Variants in GSC2 observed in about 807,000 individuals in gnomAD.
The protein encoded by GSC2 is homeobox protein goosecoid-2.
In GSC2, 12 loss-of-function variants were observed where a neutral mutation model predicts 11.3. The observed-to-expected ratio is 1.06, with a 90% CI of 0.68 to 1.72. GSC2 has a LOEUF of 1.72. Ranked by LOEUF, GSC2 falls within the 40% of genes most tolerant of loss-of-function variation. GSC2 has a pLI of 0.00. For synonymous variants in GSC2, 148 were observed against 110.0 expected (o/e 1.35, Z -2.16); for missense variants, 310 against 235.7 (o/e 1.32, Z -2.06).
intron 2 of GSC2, 30 bp from the exon 3 acceptor site, chr22:19,149,125 C>T (rs1281272294): frequency 7.5e-7 from 1 of 1,340,130 alleles, no homozygotes; most frequent in African/African-American, 1.5e-5. Flanking sequence ...TCAGCCCTAG[C>T]CCCAGGTCCT....
intron 2 of GSC2, among the ~76,000 whole-genome samples, 198 bp from the exon 3 acceptor site, chr22:19,149,293 T>C (rs573042627): frequency 1.0e-3 from 154 of 152,194 alleles, no homozygotes; most frequent in African/African-American, 3.1e-3. Flanking sequence ...GGACGCGAGA[T>C]GGGAACCCCC....
In GSC2 at chr22:19,149,741, G is replaced by A; in HGVS notation, c.435C>T (p.Phe145=). The A allele has an allele frequency of 6.3e-7, 1 of 1,594,512 alleles. No individual in the cohort carries two copies. The highest frequency in any genetic ancestry group is 1.1e-5 in the South Asian group (1 of 88,666). Residue 145 remains phenylalanine, a synonymous_variant, in exon 2 of 3, where the codon TTC becomes TTT. Transcript: ENST00000086933. ...EEQLQALEAL[F]VQNQYPDVST... ...TCACGTCAGGATACTGGTTCTGCACGAAAAGCGCCTCGAGCGCCTGCAGCT... is the reference window on the plus strand; with the variant it reads ...TCACGTCAGGATACTGGTTCTGCACAAAAAGCGCCTCGAGCGCCTGCAGCT...
In GSC2 at chr22:19,147,784, C is replaced by A. The variant is rs558212255; in HGVS notation, c.*1207G>T. Among the ~76,000 whole-genome samples the A allele has an allele frequency of 6.6e-6, 1 of 152,254 alleles. No homozygotes were observed. The highest frequency in any genetic ancestry group is 2.1e-4 in the South Asian group (1 of 4,828). ...GTCTGGGGAGCTGCAGCCCTGGCTT[C>A]TGCAGTCCTGCTTTTAGAGATGGAC... On this transcript the variant is annotated 3_prime_UTR_variant, in exon 3 of 3. Coordinates refer to ENST00000086933, the MANE Select transcript of GSC2 (RefSeq NM_005315.2).
Position 19,149,714 on chromosome 22 carries a change from A to G in GSC2, c.462T>C (p.Ser154=). 6.3e-7 allele frequency: 1 copy of G among 1,583,364 alleles called. No homozygotes were observed. Among genetic ancestry groups the G allele is most frequent in the Non-Finnish European group, 8.6e-7 (1 of 1,167,610 alleles). Reference sequence around the variant, plus strand: ...TGCGGCCGGCCAGGCGCTCGCGCGTACTCACGTCAGGATACTGGTTCTGCA... The same window carrying G: ...TGCGGCCGGCCAGGCGCTCGCGCGTGCTCACGTCAGGATACTGGTTCTGCA... The part of the protein sequence containing the change: ...LFVQNQYPDV[S]TRERLAGRIR... Residue 154 remains serine, a synonymous_variant, in exon 2 of 3, where the codon AGT becomes AGC. Transcript: ENST00000086933.
Position 19,149,712 on chromosome 22 carries a change from G to T in GSC2, c.464C>A (p.Thr155Lys), listed in dbSNP as rs1408207572. 3 of 1,581,206 alleles carry T rather than the reference G, an allele frequency of 1.9e-6. No individual in the cohort carries two copies. The highest frequency in any genetic ancestry group is 2.6e-6 in the Non-Finnish European group (3 of 1,166,760). ...GATGCGGCCGGCCAGGCGCTCGCGC[G>T]TACTCACGTCAGGATACTGGTTCTG... The part of the protein sequence containing the change: ...FVQNQYPDVS[T>K]RERLAGRIRL... Residue 155 changes from threonine to lysine, a missense_variant, in exon 2 of 3, where the codon ACG becomes AAG. Physicochemically the swap from Thr to Lys is moderately conservative, Grantham distance 78 (BLOSUM62 -1). Transcript: ENST00000086933.
rs1196859570 is a variant in GSC2 at position 19,147,398 on chromosome 22, G to A, written c.*1593C>T. ...GGGTCAGCCTGCCAAGGAGCAGCTA[G>A]AGCTCAAGAAGCAAATTCAGGAGAG... On this transcript the variant is annotated 3_prime_UTR_variant, in exon 3 of 3. Coordinates refer to ENST00000086933, the MANE Select transcript of GSC2 (RefSeq NM_005315.2). 6.6e-6 allele frequency among the ~76,000 whole-genome samples: 1 copy of A among 152,184 alleles called. No homozygotes were observed. Among genetic ancestry groups the A allele is most frequent in the African/African-American group, 2.4e-5 (1 of 41,436 alleles).
In GSC2 at chr22:19,149,039, G is replaced by A. The variant is rs2083809406; in HGVS notation, c.570C>T (p.Ser190=). 4 of 1,602,572 alleles carry A rather than the reference G, an allele frequency of 2.5e-6. No homozygotes were observed. The highest frequency in any genetic ancestry group is 2.3e-5 in the East Asian group (1 of 44,310). The change falls in exon 3 of 3, where the codon TCC becomes TCT. Residue 190 remains serine (S), a synonymous_variant. Transcript: ENST00000086933. ...KWRHQKRASA[S]ARLLPGVKKS... ...TCTTGACGCCGGGCAGGAGCCTCGC[G>A]GAAGCCGACGCGCGCTTCTGGTGTC...
In GSC2 at chr22:19,149,696, G is replaced by A. The variant is rs1246129394; in HGVS notation, c.480C>T (p.Ala160=). ...GCTCCTCGCGAAGGCGGATGCGGCC[G>A]GCCAGGCGCTCGCGCGTACTCACGT... The part of the protein sequence containing the change: ...YPDVSTRERL[A]GRIRLREERV... The change falls in exon 2 of 3, where the codon GCC becomes GCT. Residue 160 remains alanine, a synonymous_variant. Coordinates refer to ENST00000086933, the MANE Select transcript of GSC2 (RefSeq NM_005315.2). 1 of 1,568,540 alleles carries A rather than the reference G, an allele frequency of 6.4e-7. No homozygotes were observed.
Position 19,149,058 on chromosome 22 carries a change from T to C in GSC2, c.551A>G (p.Gln184Arg), listed in dbSNP as rs782499411. Reference protein sequence around the residue: ...FKNRRAKWRHQKRASASARLL... With the variant: ...FKNRRAKWRHRKRASASARLL... ...CCTCGCGGAAGCCGACGCGCGCTTC[T>C]GGTGTCGCCATTTGGCCCGGCGGTT... Residue 184 changes from glutamine to arginine, a missense_variant, in exon 3 of 3, where the codon CAG becomes CGG. Physicochemically the swap from Gln to Arg is conservative, Grantham distance 43 (BLOSUM62 1). Transcript: ENST00000086933. 13 of 1,600,808 alleles carry C rather than the reference T, an allele frequency of 8.1e-6. No homozygotes were observed. Among genetic ancestry groups the C allele is most frequent in the Middle Eastern group, 1.7e-4 (1 of 6,038 alleles).
At position 19,148,873 on chromosome 22, in the gene GSC2, G is replaced by C. The variant is rs115765934; in HGVS notation, c.*118C>G. ...TGCAGGAGGCAAGGGCTGTGGAGACGGGTGGAGGCGGCCGGTGTACTCTCC... is the reference window on the plus strand; with the variant it reads ...TGCAGGAGGCAAGGGCTGTGGAGACCGGTGGAGGCGGCCGGTGTACTCTCC... On this transcript the variant is annotated 3_prime_UTR_variant, in exon 3 of 3. Transcript: ENST00000086933. 1.6e-6 allele frequency: 1 copy of C among 618,586 alleles called. No individual in the cohort carries two copies. The highest frequency in any genetic ancestry group is 3.1e-5 in the East Asian group (1 of 32,252). 38.3% of individuals were successfully genotyped at this position (618,586 alleles called of 1,614,324 possible). A position where few individuals can be genotyped will look rare whatever the true frequency, so the allele number is the denominator to read the frequency against.
chr22:19,149,434 A>C (rs2083813507), intron 2 of GSC2, among the ~76,000 whole-genome samples: 1 of 152,206 alleles, frequency 6.6e-6, no homozygotes, highest in Non-Finnish European at 1.5e-5. Flanking sequence ...GTGTAAAACA[A>C]AAGAAAAGAA....
intron 1 of GSC2, 31 bp downstream of exon 1, chr22:19,149,994 G>A (rs2083819211): frequency 1.8e-6 from 2 of 1,112,450 alleles, no homozygotes; most frequent in Non-Finnish European, 2.2e-6. Flanking sequence ...GGGCTCCGCC[G>A]GGCCCCGCGC....
Position 19,149,048 on chromosome 22 carries a change from C to A in GSC2, c.561G>T (p.Ala187=). The stretch of plus-strand genomic sequence containing the variant: ...CGGGCAGGAGCCTCGCGGAAGCCGA[C>A]GCGCGCTTCTGGTGTCGCCATTTGG... The part of the protein sequence containing the change: ...RRAKWRHQKR[A]SASARLLPGV... Residue 187 remains alanine, a synonymous_variant, in exon 3 of 3, where the codon GCG becomes GCT. Transcript: ENST00000086933. 6.2e-7 allele frequency: 1 copy of A among 1,602,260 alleles called. No individual in the cohort carries two copies. The highest frequency in any genetic ancestry group is 1.3e-5 in the African/African-American group (1 of 74,772).
At position 19,148,728 on chromosome 22, in the gene GSC2, G is replaced by T. The variant is rs928440742; in HGVS notation, c.*263C>A. ...CTGCGGTGGAGTTAGTGTCTCTCGGGGGGTAGGGAGCTGAGGAAACTGCTC... is the reference window on the plus strand; with the variant it reads ...CTGCGGTGGAGTTAGTGTCTCTCGGTGGGTAGGGAGCTGAGGAAACTGCTC... On this transcript the variant is annotated 3_prime_UTR_variant, in exon 3 of 3. Coordinates refer to ENST00000086933, the MANE Select transcript of GSC2 (RefSeq NM_005315.2). 15 of 453,600 alleles carry T rather than the reference G, an allele frequency of 3.3e-5. No individual in the cohort carries two copies. Among genetic ancestry groups the T allele is most frequent in the Non-Finnish European group, 5.9e-5 (15 of 256,044 alleles). 28.1% of individuals were successfully genotyped at this position (453,600 alleles called of 1,614,324 possible). A position where few individuals can be genotyped will look rare whatever the true frequency, so the allele number is the denominator to read the frequency against.
Position 19,148,688 on chromosome 22 carries a change from G to A in GSC2, c.*303C>T. 1 of 365,228 alleles carries A rather than the reference G, an allele frequency of 2.7e-6. No individual in the cohort carries two copies. Among genetic ancestry groups the A allele is most frequent in the East Asian group, 4.8e-5 (1 of 21,044 alleles). The allele number at this position is 365,228 out of a possible 1,614,324, so 22.6% of individuals were successfully genotyped here. On this transcript the variant is annotated 3_prime_UTR_variant, in exon 3 of 3. Transcript: ENST00000086933. The stretch of plus-strand genomic sequence containing the variant: ...AGGATTCTGGGTCCCGTGTTGATAC[G>A]GGGTGGTTCCCCTCCTGCGGTGGAG...
rs189612222 is a variant in GSC2 at position 19,147,284 on chromosome 22, T to C, written c.*1707A>G. Among the ~76,000 whole-genome samples, 1 of 151,952 alleles carries C rather than the reference T, an allele frequency of 6.6e-6. No homozygotes were observed. The highest frequency in any genetic ancestry group is 1.5e-5 in the Non-Finnish European group (1 of 67,950). On this transcript the variant is annotated 3_prime_UTR_variant, in exon 3 of 3. Coordinates refer to ENST00000086933, the MANE Select transcript of GSC2 (RefSeq NM_005315.2). ...AAAGATGGGAATTGGAGTCTGAGGG[T>C]AAAAGATAAACCGGGAAGAGGGTGA...
rs1354761298 is a variant in GSC2 at position 19,147,407 on chromosome 22, A to C, written c.*1584T>G. ...TGCCAAGGAGCAGCTAGAGCTCAAG[A>C]AGCAAATTCAGGAGAGCAACACAGC... On this transcript the variant is annotated 3_prime_UTR_variant, in exon 3 of 3. Coordinates refer to ENST00000086933, the MANE Select transcript of GSC2 (RefSeq NM_005315.2). Among the ~76,000 whole-genome samples the C allele has an allele frequency of 2.0e-5, 3 of 152,214 alleles. No individual in the cohort carries two copies. Among genetic ancestry groups the C allele is most frequent in the Non-Finnish European group, 4.4e-5 (3 of 68,036 alleles).
In GSC2 at chr22:19,147,005, G is replaced by C. The variant is rs2083795797; in HGVS notation, c.*1986C>G. ...GTGCAGTTAGAGCTGGAGAGATTCT[G>C]GGATTTATTGATTTATTGATAAACA... On this transcript the variant is annotated 3_prime_UTR_variant, in exon 3 of 3. Coordinates refer to ENST00000086933, the MANE Select transcript of GSC2 (RefSeq NM_005315.2). Among the ~76,000 whole-genome samples, 1 of 152,192 alleles carries C rather than the reference G, an allele frequency of 6.6e-6. No individual in the cohort carries two copies.
In GSC2 at chr22:19,148,313, A is replaced by G. The variant is rs566316805; in HGVS notation, c.*678T>C. Among the ~76,000 whole-genome samples the G allele has an allele frequency of 3.9e-5, 6 of 152,192 alleles. No homozygotes were observed. Among genetic ancestry groups the G allele is most frequent in the Non-Finnish European group, 8.8e-5 (6 of 68,026 alleles). On this transcript the variant is annotated 3_prime_UTR_variant, in exon 3 of 3. Coordinates refer to ENST00000086933, the MANE Select transcript of GSC2 (RefSeq NM_005315.2). ...TACCCCCTCGCTGGGAAGGAAGAAG[A>G]AGGGACAGCTCCTTGTTGGGTGTGG...
Sources: gnomAD v4.1 joint callset for allele counts (sites outside exome capture counted in the v4.1 genomes callset) on GRCh38, gnomAD v4.1.1 for gene constraint, MANE v1.5 for transcripts, NCBI Gene and HGNC (gene_info 2026-07-23, HGNC 2026-07-21) for gene names.